The following L3MBTL4 variants were observed in gnomAD, a reference collection of about 807,000 sequenced individuals.
L3MBTL4 encodes L3MBTL histone methyl-lysine binding protein 4, also known as lethal(3)malignant brain tumor-like protein 4.
A neutral mutation model predicts 84.5 loss-of-function variants in L3MBTL4; 70 were observed. That is an observed-to-expected ratio of 0.83 (90% CI 0.68 to 1.01). L3MBTL4 has a LOEUF of 1.01. L3MBTL4 is among the 50% of genes least tolerant of loss of function. The probability of loss-of-function intolerance (pLI) is 0.00; values close to 1 mark genes in which losing one functional copy is unlikely to be tolerated. For synonymous variants in L3MBTL4, 274 were observed against 259.8 expected (o/e 1.05, Z -0.52); for missense variants, 715 against 754.8 (o/e 0.95, Z 0.62).
intron 5 of L3MBTL4, among the ~76,000 whole-genome samples, chr18:6,250,867 T>C (rs1223623203): frequency 6.6e-6 from 1 of 152,226 alleles, no homozygotes; most frequent in Non-Finnish European, 1.5e-5. Context: ...AAATGGTTTA[T>C]CTCAGCAACA....
chr18:6,198,319 AT>A (rs2045498097), intron 12 of L3MBTL4, among the ~76,000 whole-genome samples: 1 of 152,136 alleles, frequency 6.6e-6, no homozygotes, highest in African/African-American at 2.4e-5. Flanking sequence ...TTCCCTGTTT[AT>A]AGTAAGATTT....
intron 14 of L3MBTL4, among the ~76,000 whole-genome samples, chr18:6,129,368 C>G (rs7231314): frequency 0.27 from 36,593 of 137,816 alleles, 4,946 homozygotes; most frequent in East Asian, 0.39. Flanking sequence ...GGAATTCTCT[C>G]TGTGTGTGTG....
chr18:6,299,948 G>A (rs777567419), intron 4 of L3MBTL4, among the ~76,000 whole-genome samples: 12 of 152,026 alleles, frequency 7.9e-5, no homozygotes, highest in South Asian at 2.1e-4. Context: ...CTAGCATTAC[G>A]GGCATGAGCC....
At chr18:6,292,308 A>G (rs1326318814) in intron 4 of L3MBTL4, among the ~76,000 whole-genome samples, 1 of 152,180 alleles carries the variant, frequency 6.6e-6, no homozygotes, top group Non-Finnish European at 1.5e-5. Context: ...AACTAGATTT[A>G]TTACATTGTT....
At chr18:6,231,294 A>G (rs1296637143) in intron 10 of L3MBTL4, among the ~76,000 whole-genome samples, 1 of 152,150 alleles carries the variant, frequency 6.6e-6, no homozygotes, top group African/African-American at 2.4e-5. Flanking sequence ...TCTTCTGTAT[A>G]TGGCTAGCCA....
chr18:6,254,409 C>T (rs1377530200), intron 5 of L3MBTL4, among the ~76,000 whole-genome samples: 5 of 138,956 alleles, frequency 3.6e-5, no homozygotes, highest in Admixed American at 1.4e-4. Flanking sequence ...TTCAAAGTGA[C>T]ACCTTTTTTT....
chr18:6,140,148 G>A (rs868834776), intron 13 of L3MBTL4, among the ~76,000 whole-genome samples: 1 of 152,150 alleles, frequency 6.6e-6, no homozygotes, highest in Non-Finnish European at 1.5e-5. Context: ...CCCATACTGC[G>A]TGATCAGGTG....
chr18:6,095,552 G>A (rs1050747155), intron 14 of L3MBTL4, among the ~76,000 whole-genome samples: 4 of 151,986 alleles, frequency 2.6e-5, no homozygotes, highest in Admixed American at 2.0e-4. Flanking sequence ...GGGTTTCAAC[G>A]TGTTAGCCAG....
chr18:6,372,070 C>G (rs2054180884), intron 1 of L3MBTL4, among the ~76,000 whole-genome samples: 1 of 152,204 alleles, frequency 6.6e-6, no homozygotes. Flanking sequence ...CCCCTCCACC[C>G]AGGCCATTTC....
chr18:6,047,833 G>C (rs926765659), intron 16 of L3MBTL4, among the ~76,000 whole-genome samples: 4 of 152,150 alleles, frequency 2.6e-5, no homozygotes, highest in African/African-American at 9.7e-5. Context: ...CATTCCTCTT[G>C]AGAACTGGAA....
chr18:5,965,898 T>A (rs1171728915), intron 17 of L3MBTL4, among the ~76,000 whole-genome samples: 1 of 152,076 alleles, frequency 6.6e-6, no homozygotes, highest in Admixed American at 6.6e-5. Flanking sequence ...GAAGACAAGG[T>A]TATGGAAGCA....
At chr18:6,304,383 T>C (rs2050489551) in intron 3 of L3MBTL4, among the ~76,000 whole-genome samples, 1 of 152,232 alleles carries the variant, frequency 6.6e-6, no homozygotes, top group African/African-American at 2.4e-5. Context: ...AAAGTTATCA[T>C]GGATATCTTC....
intron 4 of L3MBTL4, among the ~76,000 whole-genome samples, chr18:6,275,197 G>A (rs2049030270): frequency 6.6e-6 from 1 of 152,060 alleles, no homozygotes; most frequent in Admixed American, 6.5e-5. Flanking sequence ...AAGAGGAGGA[G>A]CCTAGTGACC....
chr18:6,097,801 C>T (rs1440526180), intron 14 of L3MBTL4, among the ~76,000 whole-genome samples: 1 of 152,188 alleles, frequency 6.6e-6, no homozygotes, highest in Non-Finnish European at 1.5e-5. Flanking sequence ...GACTCAGGTG[C>T]CTTCCTGGTA....
chr18:6,261,192 A>G (rs1304059780), intron 5 of L3MBTL4, among the ~76,000 whole-genome samples: 1 of 152,208 alleles, frequency 6.6e-6, no homozygotes, highest in East Asian at 1.9e-4. Context: ...CTAGCCCACA[A>G]GATCCTAAGA....
intron 12 of L3MBTL4, among the ~76,000 whole-genome samples, chr18:6,183,870 A>G (rs899701275): frequency 1.3e-5 from 2 of 152,228 alleles, no homozygotes; most frequent in Admixed American, 1.3e-4. Flanking sequence ...GTAAGCCAAT[A>G]GCAAAGGGGA....
chr18:6,165,568 T>C (rs2043606747), intron 13 of L3MBTL4, among the ~76,000 whole-genome samples: 1 of 152,100 alleles, frequency 6.6e-6, no homozygotes, highest in Non-Finnish European at 1.5e-5. Flanking sequence ...AAATTTCATA[T>C]CCAGCCAAAC....
At chr18:6,149,410 G>C (rs1460518995) in intron 13 of L3MBTL4, among the ~76,000 whole-genome samples, 2 of 151,766 alleles carry the variant, frequency 1.3e-5, no homozygotes, top group Admixed American at 6.6e-5. Context: ...AGTATTCCAT[G>C]GTGTATATGT....
At chr18:6,322,933 G>A (rs1568491064) in intron 1 of L3MBTL4, among the ~76,000 whole-genome samples, 2 of 152,222 alleles carry the variant, frequency 1.3e-5, no homozygotes, top group East Asian at 1.9e-4. Context: ...TGTGGGAGGT[G>A]ATTGGATCAT....
Sources: allele counts gnomAD v4.1 joint callset (sites outside exome capture counted in the v4.1 genomes callset), GRCh38; gene constraint gnomAD v4.1.1; transcripts MANE v1.5; gene names NCBI Gene and HGNC (gene_info 2026-07-23, HGNC 2026-07-21).